The following TTC28 variants were observed in gnomAD, a reference collection of about 807,000 sequenced individuals.
The protein encoded by TTC28 is tetratricopeptide repeat protein 28.
A neutral mutation model predicts 198.0 loss-of-function variants in TTC28; 61 were observed. That is an observed-to-expected ratio of 0.31 (90% CI 0.25 to 0.38). The LOEUF (loss-of-function observed/expected upper bound fraction) is 0.38, where lower values mean the gene tolerates loss of function less well. TTC28 is among the 10% of genes least tolerant of loss of function. The pLI is 1.00. For synonymous variants in TTC28, 1,171 were observed against 1,297.8 expected (o/e 0.90, Z 2.10); for missense variants, 2,678 against 3,164.0 (o/e 0.85, Z 3.69).
In TTC28 at chr22:28,551,809, A is replaced by T. The variant is rs566018285; in HGVS notation, c.381+77743T>A. On this transcript the variant is annotated intron_variant, in intron 2 of 22. Transcript: ENST00000397906. ...AAAACTTGAAAGCATTCCCCCTGTG[A>T]ACTGGAACAAGACAAGGATGTCCTC... Among the ~76,000 whole-genome samples, 59 of 152,324 alleles carry T rather than the reference A, an allele frequency of 3.9e-4. 1 individual carries two copies. The highest frequency in any genetic ancestry group is 5.9e-4 in the Non-Finnish European group (40 of 68,032).
At chr22:28,162,992 A>T in intron 6 of TTC28, 100 bp downstream of exon 6, 2 of 1,370,566 alleles carry the variant, frequency 1.5e-6, no homozygotes, top group Non-Finnish European at 1.9e-6. Flanking sequence ...ATATTCTTTT[A>T]AATATAAACA....
intron 2 of TTC28, among the ~76,000 whole-genome samples, chr22:28,390,166 T>G (rs1268313928): frequency 6.6e-5 from 10 of 152,252 alleles, no homozygotes; most frequent in African/African-American, 2.2e-4. Context: ...AGTGAGAATC[T>G]TAACCCTGAG....
intron 4 of TTC28, among the ~76,000 whole-genome samples, chr22:28,296,960 C>T (rs1453641124): frequency 6.6e-6 from 1 of 152,172 alleles, no homozygotes; most frequent in African/African-American, 2.4e-5. Context: ...CTATACTATA[C>T]TAATCTCCTT....
intron 5 of TTC28, among the ~76,000 whole-genome samples, chr22:28,236,044 T>C (rs1929218735): frequency 6.6e-6 from 1 of 152,186 alleles, no homozygotes; most frequent in Non-Finnish European, 1.5e-5. Context: ...ACTGCTGATC[T>C]TGCTGACCAA....
At chr22:28,345,229 G>C (rs1019128176) in intron 2 of TTC28, among the ~76,000 whole-genome samples, 2 of 152,004 alleles carry the variant, frequency 1.3e-5, no homozygotes, top group Non-Finnish European at 2.9e-5. Flanking sequence ...CAAATATTTG[G>C]AACCACAAAG....
At chr22:28,288,329 T>C (rs938303751) in intron 5 of TTC28, among the ~76,000 whole-genome samples, 17 of 152,210 alleles carry the variant, frequency 1.1e-4, no homozygotes, top group Admixed American at 1.1e-3. Context: ...GCTGATGATA[T>C]AACTTGGTAT....
chr22:28,427,732 A>G (rs2047371111), intron 2 of TTC28, among the ~76,000 whole-genome samples: 1 of 152,226 alleles, frequency 6.6e-6, no homozygotes, highest in Admixed American at 6.5e-5. Context: ...AAGGTATGTT[A>G]AGAAAGCAAT....
intron 1 of TTC28, among the ~76,000 whole-genome samples, chr22:28,648,334 CA>C (rs1211383120): frequency 6.6e-6 from 1 of 151,338 alleles, no homozygotes; most frequent in African/African-American, 2.4e-5. Flanking sequence ...ATTAAAAAAC[CA>C]AAAAACAATA....
intron 2 of TTC28, among the ~76,000 whole-genome samples, chr22:28,433,623 A>G (rs2047468937): frequency 6.6e-6 from 1 of 152,192 alleles, no homozygotes. Context: ...TTAATATAGA[A>G]CTAGTTAATA....
At chr22:28,350,416 C>CATGGTTTA (rs1226499997) in intron 2 of TTC28, among the ~76,000 whole-genome samples, 1 of 152,030 alleles carries the variant, frequency 6.6e-6, no homozygotes, top group Non-Finnish European at 1.5e-5. Flanking sequence ...AGTTGTTTTT[C>CATGGTTTA]ATGGTTTAAT....
chr22:28,148,400 T>G (rs1943523259), intron 6 of TTC28, among the ~76,000 whole-genome samples: 1 of 152,106 alleles, frequency 6.6e-6, no homozygotes, highest in African/African-American at 2.4e-5. Flanking sequence ...GATCACGAAG[T>G]CAGGAGATCG....
chr22:27,999,327 G>A (rs540004921), intron 15 of TTC28, 67 bp from the exon 16 acceptor site: 35 of 1,481,660 alleles, frequency 2.4e-5, no homozygotes, highest in Non-Finnish European at 2.8e-5. Flanking sequence ...GGCAGTGGTC[G>A]GCCGAGCACA....
chr22:28,210,893 T>G (rs906137229), intron 5 of TTC28, among the ~76,000 whole-genome samples: 1 of 152,094 alleles, frequency 6.6e-6, no homozygotes, highest in Non-Finnish European at 1.5e-5. Flanking sequence ...GAGAGAAAGG[T>G]CGGGTTATCC....
At chr22:28,612,128 G>GA (rs1222306355) in intron 2 of TTC28, among the ~76,000 whole-genome samples, 1 of 152,034 alleles carries the variant, frequency 6.6e-6, no homozygotes, top group East Asian at 1.9e-4. Context: ...AGGAATGGAG[G>GA]AATATTTACC....
At chr22:28,626,388 T>C (rs1386976650) in intron 2 of TTC28, among the ~76,000 whole-genome samples, 2 of 152,012 alleles carry the variant, frequency 1.3e-5, no homozygotes, top group African/African-American at 4.8e-5. Flanking sequence ...GAGACAGAAA[T>C]TGGAAGGTAG....
At chr22:28,620,318 C>G (rs2050973366) in intron 2 of TTC28, among the ~76,000 whole-genome samples, 2 of 150,430 alleles carry the variant, frequency 1.3e-5, no homozygotes, top group African/African-American at 4.9e-5. Flanking sequence ...CCACCACACG[C>G]CAGCCTGAGC....
intron 2 of TTC28, among the ~76,000 whole-genome samples, chr22:28,388,670 G>A (rs1308728858): frequency 1.3e-5 from 2 of 152,210 alleles, no homozygotes; most frequent in Non-Finnish European, 2.9e-5. Flanking sequence ...AAGAACGCTT[G>A]TGACTTTTGT....
chr22:28,219,981 T>C (rs563534865), intron 5 of TTC28, among the ~76,000 whole-genome samples: 1 of 152,330 alleles, frequency 6.6e-6, no homozygotes, highest in South Asian at 2.1e-4. Context: ...CACACAAGGT[T>C]ACACTCAACA....
intron 5 of TTC28, among the ~76,000 whole-genome samples, chr22:28,204,126 G>A (rs976004374): frequency 6.6e-6 from 1 of 152,062 alleles, no homozygotes; most frequent in Non-Finnish European, 1.5e-5. Flanking sequence ...GAATGCCAAA[G>A]CATGTGTCTG....
Sources: gnomAD v4.1 joint callset for allele counts (sites outside exome capture counted in the v4.1 genomes callset) on GRCh38, gnomAD v4.1.1 for gene constraint, MANE v1.5 for transcripts, NCBI Gene and HGNC (gene_info 2026-07-23, HGNC 2026-07-21) for gene names.